Variants in UPRT observed in about 807,000 individuals in gnomAD.
UPRT encodes RP11-311P8.3.
A neutral mutation model predicts 22.6 loss-of-function variants in UPRT; 5 were observed. The ratio of observed to expected loss-of-function variants is 0.22; its 90% CI spans 0.12 to 0.47. The LOEUF is 0.47. Among genes scored for constraint, UPRT ranks in the 20% least tolerant of loss-of-function variants. The pLI, the probability that UPRT is intolerant of heterozygous loss-of-function variation, is 0.99. For synonymous variants in UPRT, 77 were observed against 87.7 expected, an observed-to-expected ratio of 0.88 and a Z score of 0.68; for missense variants, 181 against 239.9, an observed-to-expected ratio of 0.75 and a Z score of 1.62.
At chrX:75,254,429 A>AAAGT (rs1361101945) in intron 4 of UPRT, among the ~76,000 whole-genome samples, 5 of 112,479 alleles carry the variant, frequency 4.4e-5, no homozygotes, top group Non-Finnish European at 7.5e-5. Context: ...TAGAAGAAAG[A>AAAGT]AAGTCAGAGC....
chrX:75,157,527 T>C (rs1246005799), intron 1 of UPRT, among the ~76,000 whole-genome samples: 1 of 111,923 alleles, frequency 8.9e-6, no homozygotes, highest in Non-Finnish European at 1.9e-5. Flanking sequence ...TTAACCTGAG[T>C]GAACAGAGAC....
chrX:75,176,447 C>T (rs971757456), intron 4 of UPRT, among the ~76,000 whole-genome samples: 1 of 111,572 alleles, frequency 9.0e-6, no homozygotes, highest in African/African-American at 3.3e-5. Flanking sequence ...TTGCCCTAGA[C>T]CCTGTAGGAC....
chrX:75,174,195 G>A (rs960270943), intron 4 of UPRT, among the ~76,000 whole-genome samples: 5 of 112,131 alleles, frequency 4.5e-5, no homozygotes, highest in Non-Finnish European at 9.4e-5. Flanking sequence ...CCCAACTGCT[G>A]TTGGGAATTT....
intron 4 of UPRT, among the ~76,000 whole-genome samples, chrX:75,207,712 T>A (rs938536485): frequency 9.0e-6 from 1 of 111,219 alleles, no homozygotes; most frequent in Admixed American, 9.6e-5. Context: ...AGAGAGTGAG[T>A]TTCTGTGCCT....
chrX:75,195,349 C>T (rs1004012166), intron 4 of UPRT, among the ~76,000 whole-genome samples: 12 of 112,464 alleles, frequency 1.1e-4, no homozygotes, highest in Non-Finnish European at 2.1e-4. Context: ...GCAAGGGGTG[C>T]TCAGGTTGAA....
At chrX:75,201,085 T>G (rs1421646231) in intron 4 of UPRT, among the ~76,000 whole-genome samples, 2 of 112,617 alleles carry the variant, frequency 1.8e-5, no homozygotes, top group Non-Finnish European at 3.8e-5. Context: ...TAAATTCCTG[T>G]AATTTCTATT....
chrX:75,159,620 G>A (rs996255049), intron 1 of UPRT, among the ~76,000 whole-genome samples: 3 of 111,311 alleles, frequency 2.7e-5, no homozygotes, highest in Non-Finnish European at 5.6e-5. Context: ...TTTAGAGCAC[G>A]TATCACTTTC....
At chrX:75,220,750 T>C (rs1177991332) in intron 4 of UPRT, among the ~76,000 whole-genome samples, 1 of 112,082 alleles carries the variant, frequency 8.9e-6, no homozygotes, top group African/African-American at 3.2e-5. Context: ...TTTTTGTTTT[T>C]TCTATTTATG....
chrX:75,198,390 G>T lies in UPRT; in HGVS notation c.-447+30511G>T, dbSNP rs753485102. On this transcript the variant is annotated intron_variant, in intron 4 of 13. Coordinates refer to the UPRT transcript ENST00000652605. ...GTATTTTCCAAAAGTATGCAATTAA[G>T]ATTAGTGTAATTCAGTGCAGGTACA... 4.4e-5 allele frequency among the ~76,000 whole-genome samples: 5 copies of T among 112,379 alleles called. No homozygotes were observed. The East Asian group carries it at 1.4e-3, about 31-fold the overall frequency.
chrX:75,179,113 C>T (rs2082260317), intron 4 of UPRT, among the ~76,000 whole-genome samples: 1 of 111,489 alleles, frequency 9.0e-6, no homozygotes, highest in South Asian at 3.8e-4. Context: ...CATTCATAAA[C>T]CTTGAGCTAA....
chrX:75,250,598 C>G (rs898723983), intron 4 of UPRT, among the ~76,000 whole-genome samples: 1 of 111,017 alleles, frequency 9.0e-6, no homozygotes, highest in Non-Finnish European at 1.9e-5. Flanking sequence ...AAGTCCAGGA[C>G]CAGATGGATT....
chrX:75,250,043 T>C (rs755256387), intron 4 of UPRT, among the ~76,000 whole-genome samples: 1 of 111,905 alleles, frequency 8.9e-6, no homozygotes, highest in South Asian at 3.7e-4. Flanking sequence ...CCAGAATCTC[T>C]GGGACACATT....
intron 2 of UPRT, among the ~76,000 whole-genome samples, chrX:75,293,843 G>A (rs1319560236): frequency 9.0e-6 from 1 of 111,568 alleles, no homozygotes; most frequent in Non-Finnish European, 1.9e-5. Context: ...AACCAAAAAT[G>A]TAAGGAGACC....
At chrX:75,192,197 G>A (rs2082317653) in intron 4 of UPRT, among the ~76,000 whole-genome samples, 1 of 111,498 alleles carries the variant, frequency 9.0e-6, no homozygotes, top group African/African-American at 3.3e-5. Context: ...CTTGATTTCT[G>A]CCTTAATTTC....
At chrX:75,203,504 A>T (rs965497684) in intron 4 of UPRT, among the ~76,000 whole-genome samples, 31 of 102,462 alleles carry the variant, frequency 3.0e-4, no homozygotes, top group African/African-American at 1.2e-3. Context: ...ACACACACAC[A>T]CACACACACA....
At chrX:75,191,943 G>A (rs762396781) in intron 4 of UPRT, among the ~76,000 whole-genome samples, 53 of 111,073 alleles carry the variant, frequency 4.8e-4, no homozygotes, top group African/African-American at 1.2e-3. Context: ...TTTGGCTCTC[G>A]CTTGGTGGGC....
chrX:75,182,370 T>C (rs1343115936), intron 4 of UPRT, among the ~76,000 whole-genome samples: 1 of 112,148 alleles, frequency 8.9e-6, no homozygotes, highest in Non-Finnish European at 1.9e-5. Flanking sequence ...ACTGGCTTCA[T>C]AGAATGAGTT....
upstream of UPRT, among the ~76,000 whole-genome samples, chrX:75,270,094 G>T (rs1341546155): frequency 8.9e-6 from 1 of 111,860 alleles, no homozygotes; most frequent in Non-Finnish European, 1.9e-5. Flanking sequence ...AGTGGGTGAA[G>T]GATATGAACA....
chrX:75,239,117 C>T, intron 4 of UPRT, among the ~76,000 whole-genome samples: 1 of 109,954 alleles, frequency 9.1e-6, no homozygotes, highest in African/African-American at 3.3e-5. Context: ...AAGATCAGAG[C>T]AGAATTAAAT....
Sources: allele counts gnomAD v4.1 joint callset (sites outside exome capture counted in the v4.1 genomes callset), GRCh38; gene constraint gnomAD v4.1.1; transcripts MANE v1.5; gene names NCBI Gene and HGNC (gene_info 2026-07-23, HGNC 2026-07-21).